POLN: variants seen among roughly 807,000 people sequenced by gnomAD.
POLN encodes DNA polymerase N.
In POLN, 108 loss-of-function variants were observed where a neutral mutation model predicts 113.5. The ratio of observed to expected loss-of-function variants is 0.95; its 90% confidence interval spans 0.81 to 1.12. The LOEUF is 1.12. Among genes scored for constraint, POLN ranks in the 50% most tolerant of loss-of-function variants. The pLI, the probability that POLN is intolerant of heterozygous loss-of-function variation, is 0.00. For missense variants in POLN, 1,097 were observed against 1,077.1 expected (o/e 1.02, Z -0.26); for synonymous variants, 386 against 391.5 (o/e 0.99, Z 0.17).
At chr4:2,167,787 T>C (rs1178552214) in intron 13 of POLN, among the ~76,000 whole-genome samples, 1 of 152,038 alleles carries the variant, frequency 6.6e-6, no homozygotes, top group East Asian at 1.9e-4. Flanking sequence ...TAGTCCCAGC[T>C]ACTCAGGAGG....
At chr4:2,099,264 C>A (rs73071300) in intron 19 of POLN, among the ~76,000 whole-genome samples, 1 of 152,182 alleles carries the variant, frequency 6.6e-6, no homozygotes, top group African/African-American at 2.4e-5. Context: ...CATGTGGAAT[C>A]GGAGTAGAAG....
chr4:2,112,081 G>A (rs915350337), intron 19 of POLN, among the ~76,000 whole-genome samples: 2 of 151,076 alleles, frequency 1.3e-5, no homozygotes, highest in African/African-American at 4.9e-5. Context: ...AAATAATGCT[G>A]CATATCTACA....
chr4:2,240,171 C>T lies in POLN; in HGVS notation c.-13+1349G>A, dbSNP rs145093973. On this transcript the variant is annotated intron_variant, in intron 2 of 25. Transcript: ENST00000511885. The stretch of plus-strand genomic sequence containing the variant: ...GAGCTGCAGTCTAGCCATCTCTAGT[C>T]GTCTCTCCTCAAGGATTTCTTGATT... The T allele has an allele frequency of 3.3e-5, 54 of 1,613,944 alleles. No homozygotes were observed. The highest frequency in any genetic ancestry group is 3.1e-4 in the African/African-American group (23 of 75,034).
At position 2,179,361 on chromosome 4, in the gene POLN, A is replaced by G; in HGVS notation, c.1126T>C (p.Ser376Pro). The change falls in exon 8 of 26, where the codon TCC becomes CCC. Residue 376 changes from serine to proline, a missense_variant. Coordinates refer to ENST00000511885, the MANE Select transcript of POLN (RefSeq NM_181808.4). ...GTGCTGTTCACTTTAACTGTAATGG[A>G]TTTTTCACAGTATTTTTCTACTAAA... ...EDLVEKYCEK[S>P]ITVKVNSTYG... 1 of 1,613,332 alleles carries G rather than the reference A, an allele frequency of 6.2e-7. No homozygotes were observed. Among genetic ancestry groups the G allele is most frequent in the South Asian group, 1.1e-5 (1 of 91,054 alleles).
rs777534113 is a variant in POLN at position 2,240,870 on chromosome 4, T to C, written c.-13+650A>G. The C allele has an allele frequency of 3.7e-6, 6 of 1,611,504 alleles. No homozygotes were observed. Among genetic ancestry groups the C allele is most frequent in the Non-Finnish European group, 5.1e-6 (6 of 1,179,742 alleles). ...AACGCCCTCAAACAACCAGTCAAAG[T>C]CTTCTCCATTAAGATTATCAGCTTT... On this transcript the variant is annotated intron_variant, in intron 2 of 25. Transcript: ENST00000511885.
At chr4:2,231,605 A>C (rs957595952) in intron 2 of POLN, 5 of 173,744 alleles carry the variant, frequency 2.9e-5, no homozygotes, top group Non-Finnish European at 4.8e-5. Context: ...CTCAAAAAAA[A>C]ATTTAACGGC....
chr4:2,190,766 A>T (rs1186572391), intron 7 of POLN, among the ~76,000 whole-genome samples: 1 of 152,248 alleles, frequency 6.6e-6, no homozygotes, highest in East Asian at 1.9e-4. Context: ...AAGAATATTT[A>T]AAAATGTTCA....
chr4:2,193,490 AGT>A (rs905940384), intron 6 of POLN, among the ~76,000 whole-genome samples, 174 bp from the exon 7 acceptor site: 10 of 152,176 alleles, frequency 6.6e-5, no homozygotes, highest in Non-Finnish European at 1.0e-4. Context: ...AGATGATGAA[AGT>A]GAGACACAGA....
At chr4:2,157,786 G>C (rs1443172712) in intron 15 of POLN, 72 bp downstream of exon 15, 1 of 763,412 alleles carries the variant, frequency 1.3e-6, no homozygotes, top group Non-Finnish European at 2.0e-6. Flanking sequence ...AAATTACAAA[G>C]GTTCTATATG....
At chr4:2,182,340 C>A (rs963987018) in intron 7 of POLN, among the ~76,000 whole-genome samples, 7 of 152,050 alleles carry the variant, frequency 4.6e-5, no homozygotes, top group African/African-American at 1.7e-4. Flanking sequence ...GATGGGTGTC[C>A]TTATGAGAGA....
intron 7 of POLN, among the ~76,000 whole-genome samples, chr4:2,192,310 A>G (rs909171495): frequency 6.6e-6 from 1 of 152,032 alleles, no homozygotes; most frequent in South Asian, 2.1e-4. Flanking sequence ...TCTACAATGA[A>G]TATTTTTGCT....
intron 19 of POLN, among the ~76,000 whole-genome samples, chr4:2,106,805 T>C (rs1182902009): frequency 6.6e-6 from 1 of 152,208 alleles, no homozygotes; most frequent in Non-Finnish European, 1.5e-5. Flanking sequence ...TTAACATTAA[T>C]ATATTTTAGT....
At chr4:2,150,612 A>T (rs1732268645) in intron 16 of POLN, among the ~76,000 whole-genome samples, 1 of 152,216 alleles carries the variant, frequency 6.6e-6, no homozygotes, top group Admixed American at 6.5e-5. Context: ...ACAATAATAA[A>T]GACAACGCAC....
At chr4:2,219,409 C>T (rs1734198594) in intron 3 of POLN, among the ~76,000 whole-genome samples, 1 of 152,150 alleles carries the variant, frequency 6.6e-6, no homozygotes, top group African/African-American at 2.4e-5. Flanking sequence ...ATCCTTCCTC[C>T]TGGGGACCTG....
intron 19 of POLN, among the ~76,000 whole-genome samples, chr4:2,123,867 A>G (rs1308570875): frequency 6.6e-6 from 1 of 152,040 alleles, no homozygotes; most frequent in Non-Finnish European, 1.5e-5. Context: ...TGCATAATGC[A>G]TTGTTCATAA....
chr4:2,167,710 C>T (rs1234024145), intron 13 of POLN, among the ~76,000 whole-genome samples: 1 of 152,046 alleles, frequency 6.6e-6, no homozygotes, highest in Non-Finnish European at 1.5e-5. Flanking sequence ...ACCAGCCTGG[C>T]CAACATGGGG....
At chr4:2,231,008 C>T (rs1268779044) in intron 2 of POLN, 2 of 152,170 alleles carry the variant, frequency 1.3e-5, no homozygotes, top group African/African-American at 4.8e-5. Flanking sequence ...ATTTGAAAGT[C>T]ATTTATGATG....
At chr4:2,098,177 G>A (rs866935640) in intron 19 of POLN, among the ~76,000 whole-genome samples, 1 of 152,232 alleles carries the variant, frequency 6.6e-6, no homozygotes, top group Non-Finnish European at 1.5e-5. Flanking sequence ...ACTTTGGGGG[G>A]CCTAGGTGGA....
Position 2,072,054 on chromosome 4 carries a change from G to C in POLN, c.*60C>G, listed in dbSNP as rs1391177398. 6.4e-7 allele frequency: 1 copy of C among 1,568,994 alleles called. No individual in the cohort carries two copies. Among genetic ancestry groups the C allele is most frequent in the African/African-American group, 1.4e-5 (1 of 74,032 alleles). On this transcript the variant is annotated 3_prime_UTR_variant, in exon 26 of 26. Coordinates refer to ENST00000511885, the MANE Select transcript of POLN (RefSeq NM_181808.4). ...TGGGGCGTACAGAGCTGGTGACCTT[G>C]GGGAAGGCCACACAATGGACTGCTG...
Sources: allele counts gnomAD v4.1 joint callset (sites outside exome capture counted in the v4.1 genomes callset), GRCh38; gene constraint gnomAD v4.1.1; transcripts MANE v1.5; gene names NCBI Gene and HGNC (gene_info 2026-07-23, HGNC 2026-07-21).